The following BCL6 variants were observed in gnomAD, a reference collection of about 807,000 sequenced individuals.
BCL6 encodes B-cell lymphoma 6 protein.
BCL6 carries 7 observed loss-of-function variants against 59.5 expected under a neutral mutation model. That is an observed-to-expected ratio of 0.12 (90% CI 0.07 to 0.22). The LOEUF (loss-of-function observed/expected upper bound fraction) is 0.22, where lower values mean the gene tolerates loss of function less well. Ranked by LOEUF, BCL6 falls within the 10% of genes least tolerant of loss-of-function variation. The probability of loss-of-function intolerance (pLI) is 1.00; values close to 1 mark genes in which losing one functional copy is unlikely to be tolerated. For synonymous variants in BCL6, 339 were observed against 349.7 expected (o/e 0.97, Z 0.34); for missense variants, 685 against 939.4 (o/e 0.73, Z 3.54).
chr3:187,740,659 A>G (rs149753917), intron 1 of BCL6, among the ~76,000 whole-genome samples: 70 of 152,262 alleles, frequency 4.6e-4, no homozygotes, highest in African/African-American at 1.6e-3. Flanking sequence ...CTCACCACTA[A>G]CAAGCCTCCT....
At chr3:187,744,938 GTCT>G in intron 1 of BCL6, among the ~76,000 whole-genome samples, 1 of 152,250 alleles carries the variant, frequency 6.6e-6, no homozygotes, top group East Asian at 1.9e-4. Flanking sequence ...CCTCTCCGCG[GTCT>G]GGGGCCAGAC....
At chr3:187,744,295 C>G (rs902386274) in intron 1 of BCL6, among the ~76,000 whole-genome samples, 2 of 152,160 alleles carry the variant, frequency 1.3e-5, no homozygotes, top group African/African-American at 4.8e-5. Flanking sequence ...CACTGAAAGG[C>G]ATCGCAGGTG....
Position 187,740,050 on chromosome 3 carries a change from C to A in BCL6, c.-49-5143G>T, listed in dbSNP as rs909985703. 5.3e-5 allele frequency among the ~76,000 whole-genome samples: 8 copies of A among 152,314 alleles called. 1 individual carries two copies. The highest frequency in any genetic ancestry group is 1.7e-4 in the African/African-American group (7 of 41,582). On this transcript the variant is annotated intron_variant, in intron 1 of 9. Coordinates refer to ENST00000406870, the MANE Select transcript of BCL6 (RefSeq NM_001706.5). Reference sequence around the variant, plus strand: ...AGTGGGAGGGGCCGAACTCGATCCCCGCCGACCCGGGCGGGGGCGACGGCG... The same window carrying A: ...AGTGGGAGGGGCCGAACTCGATCCCAGCCGACCCGGGCGGGGGCGACGGCG...
intron 5 of BCL6, 87 bp from the exon 6 acceptor site, chr3:187,728,631 G>C: frequency 7.4e-7 from 1 of 1,344,300 alleles, no homozygotes; most frequent in South Asian, 1.4e-5. Flanking sequence ...AAGCCCAGAG[G>C]CCAGAGCTGG....
chr3:187,735,845 A>G (rs928495094), intron 1 of BCL6, among the ~76,000 whole-genome samples: 3 of 152,190 alleles, frequency 2.0e-5, no homozygotes, highest in African/African-American at 7.2e-5. Flanking sequence ...TTTAAAAAAA[A>G]AAAAGCAGAA....
intron 1 of BCL6, among the ~76,000 whole-genome samples, chr3:187,745,056 A>T: frequency 6.6e-6 from 1 of 151,634 alleles, no homozygotes; most frequent in South Asian, 2.1e-4. Flanking sequence ...CTTTCCAAAA[A>T]CCAAAACAAC....
chr3:187,743,925 C>T (rs1450542137), intron 1 of BCL6, among the ~76,000 whole-genome samples: 2 of 152,262 alleles, frequency 1.3e-5, no homozygotes, highest in East Asian at 3.9e-4. Context: ...TTCGCGCCCG[C>T]GCCCGCTCCT....
rs753499318 is a variant in BCL6, at chr3:187,725,622, T to C, written c.1716A>G (p.Lys572=). Residue 572 remains lysine, a synonymous_variant, in exon 8 of 10, where the codon AAA becomes AAG. Coordinates refer to ENST00000406870, the MANE Select transcript of BCL6 (RefSeq NM_001706.5). This position sits in a 1 kb window ranked among gnomAD's most constrained non-coding sequence, Gnocchi z 4.7. ...ASHKTVHTGE[K]PYRCNICGAQ... is the part of the protein sequence containing the mutation. The stretch of plus-strand genomic sequence containing the variant: ...CCCCACAGATGTTGCAACGATAGGG[T>C]TTCTCACCTATTACCAAGAAAAAGG... 6.2e-7 allele frequency: 1 copy of C among 1,613,996 alleles called. No homozygotes were observed. Among genetic ancestry groups the C allele is most frequent in the Non-Finnish European group, 8.5e-7 (1 of 1,179,992 alleles).
chr3:187,737,994 G>C (rs1447156933), intron 1 of BCL6: 1 of 152,030 alleles, frequency 6.6e-6, no homozygotes, highest in African/African-American at 2.4e-5. Context: ...GGGAGGCGGG[G>C]CCGCTGGGGA....
chr3:187,744,929 C>G (rs141121461), intron 1 of BCL6, among the ~76,000 whole-genome samples: 14 of 152,134 alleles, frequency 9.2e-5, no homozygotes, highest in South Asian at 4.2e-4. Context: ...AGCGCGCGTC[C>G]TCTCCGCGGT....
In BCL6 at chr3:187,729,539, C is replaced by T. The variant is rs776120197; in HGVS notation, c.866G>A (p.Arg289Gln). ...GTCACAAGGGAAGTAGGGGGCATTT[C>T]GGGCTGAGGGGGCAGCAGGTTTGAG... is the stretch of plus-strand genomic sequence containing the variant. ...EGLKPAAPSA[R>Q]NAPYFPCDKA... is the part of the protein sequence containing the mutation. Residue 289 changes from arginine (R) to glutamine (Q), a missense_variant, in exon 5 of 10, where the codon CGA becomes CAA. Arg to Gln is a conservative substitution (Grantham distance 43). Transcript: ENST00000406870. This position sits in a 1 kb window ranked among gnomAD's most constrained non-coding sequence, Gnocchi z 5.6. 12 of 1,613,654 alleles carry T rather than the reference C, an allele frequency of 7.4e-6. No individual in the cohort carries two copies. Among genetic ancestry groups the T allele is most frequent in the South Asian group, 5.5e-5 (5 of 91,080 alleles).
At chr3:187,744,959 A>G (rs576717855) in intron 1 of BCL6, among the ~76,000 whole-genome samples, 1 of 152,174 alleles carries the variant, frequency 6.6e-6, no homozygotes, top group African/African-American at 2.4e-5. Context: ...GACAGCCCCC[A>G]GACTAGCCCG....
chr3:187,745,346 C>G, intron 1 of BCL6, 64 bp downstream of exon 1: 1 of 401,706 alleles, frequency 2.5e-6, no homozygotes, highest in Non-Finnish European at 4.4e-6. Flanking sequence ...GCAGCGGCAC[C>G]AGCGGCAACA....
At chr3:187,737,374 AGAGAGAG>A (rs1560156182) in intron 1 of BCL6, 12 of 150,130 alleles carry the variant, frequency 8.0e-5, no homozygotes, top group African/African-American at 2.0e-4. Flanking sequence ...AGAGAGAGAG[AGAGAGAG>A]AGAGAGAGAG....
At chr3:187,734,471 A>G (rs982279739) in intron 2 of BCL6, 1 of 152,240 alleles carries the variant, frequency 6.6e-6, no homozygotes, top group Admixed American at 6.5e-5. Flanking sequence ...GTGGTTATAA[A>G]AGTTAGAAAT....
In BCL6 at chr3:187,729,970, G is replaced by A. The variant is rs149628654; in HGVS notation, c.435C>T (p.Asn145=). The change falls in exon 5 of 10, where the codon AAC becomes AAT. Residue 145 remains asparagine (N), a synonymous_variant. Transcript: ENST00000406870. This position sits in a 1 kb window ranked among gnomAD's most constrained non-coding sequence, Gnocchi z 5.6. ...TGTCTTGGGGCATCAGCATCCGGCT[G>A]TTGAGGAACTCTTCACGAGGAGGCT... ...AIKPPREEFL[N]SRMLMPQDIM... 4.0e-4 allele frequency: 638 copies of A among 1,603,476 alleles called. No individual in the cohort carries two copies. Among genetic ancestry groups the A allele is most frequent in the Non-Finnish European group, 5.3e-4 (620 of 1,174,006 alleles).
At chr3:187,742,453 A>C (rs1711641249) in intron 1 of BCL6, among the ~76,000 whole-genome samples, 1 of 152,256 alleles carries the variant, frequency 6.6e-6, no homozygotes, top group African/African-American at 2.4e-5. Flanking sequence ...AAACCCTTCA[A>C]AACTGAAAAG....
rs1718604270 is a variant in BCL6, at chr3:187,725,034, C to T, written c.1884G>A (p.Lys628=). 3.7e-6 allele frequency: 6 copies of T among 1,614,116 alleles called. No homozygotes were observed. In the Admixed American group the frequency reaches 6.7e-5, roughly 18 times the overall value. The part of the protein sequence containing the change: ...RAHVLIHTGE[K]PYPCEICGTR... ...TGCCACAGATTTCACAGGGATAGGG[C>T]TTCTCACCAGTGTGGATAAGCACAT... Residue 628 remains lysine, a synonymous_variant, in exon 9 of 10, where the codon AAG becomes AAA. Coordinates refer to ENST00000406870, the MANE Select transcript of BCL6 (RefSeq NM_001706.5). This position sits in a 1 kb window ranked among gnomAD's most constrained non-coding sequence, Gnocchi z 4.7.
intron 1 of BCL6, among the ~76,000 whole-genome samples, chr3:187,744,127 A>T (rs1711751136): frequency 6.6e-6 from 1 of 152,256 alleles, no homozygotes; most frequent in Admixed American, 6.5e-5. Flanking sequence ...CACCATGGGA[A>T]AAAATAAAAT....
Sources: allele counts gnomAD v4.1 joint callset (sites outside exome capture counted in the v4.1 genomes callset), GRCh38; gene constraint gnomAD v4.1.1; non-coding constraint Gnocchi (gnomAD v3.1); transcripts MANE v1.5; gene names NCBI Gene and HGNC (gene_info 2026-07-23, HGNC 2026-07-21).